The following STK3 variants were observed in gnomAD, a reference collection of about 807,000 sequenced individuals.
The protein encoded by STK3 is serine/threonine kinase 3.
In STK3, 41 loss-of-function variants were observed where a neutral mutation model predicts 58.0. The observed-to-expected ratio is 0.71, with a 90% CI of 0.55 to 0.92. The LOEUF is 0.92. Ranked by LOEUF, STK3 falls within the 40% of genes least tolerant of loss-of-function variation. STK3 has a pLI of 0.00. For missense variants in STK3, 479 were observed against 602.7 expected (o/e 0.79, Z 2.15); for synonymous variants, 170 against 191.0 (o/e 0.89, Z 0.91).
At chr8:98,837,768 A>C (rs1835797891) in intron 3 of STK3, among the ~76,000 whole-genome samples, 1 of 152,100 alleles carries the variant, frequency 6.6e-6, no homozygotes, top group African/African-American at 2.4e-5. Flanking sequence ...CATCTCTACC[A>C]AAAAAATGTA....
intron 9 of STK3, among the ~76,000 whole-genome samples, chr8:98,534,091 A>G (rs1809564353): frequency 6.6e-6 from 1 of 152,326 alleles, no homozygotes; most frequent in South Asian, 2.1e-4. Flanking sequence ...GCAAGTAATA[A>G]CAGAATGATC....
At chr8:98,357,409 C>G in the STK3 span, among the ~76,000 whole-genome samples, 2 of 152,198 alleles carry the variant, frequency 1.3e-5, no homozygotes, top group African/African-American at 4.8e-5. Context: ...AGTGTCCAGA[C>G]TCTAATGGGA....
chr8:98,348,897 C>T, the STK3 span, among the ~76,000 whole-genome samples: 1 of 152,222 alleles, frequency 6.6e-6, no homozygotes, highest in Non-Finnish European at 1.5e-5. Flanking sequence ...AGCAATAATG[C>T]TCCCTGGTAT....
intron 3 of STK3, among the ~76,000 whole-genome samples, chr8:98,426,682 G>T (rs1162436662): frequency 1.3e-5 from 2 of 152,192 alleles, no homozygotes; most frequent in South Asian, 2.1e-4. Flanking sequence ...CCGGACACGC[G>T]CAAGCCGCCC....
At chr8:98,695,798 G>A (rs1824861767) in intron 6 of STK3, among the ~76,000 whole-genome samples, 1 of 152,184 alleles carries the variant, frequency 6.6e-6, no homozygotes. Context: ...CAGGTAGTGT[G>A]ATGCCTCCAG....
intron 2 of STK3, among the ~76,000 whole-genome samples, chr8:98,377,107 A>G (rs2130996178): frequency 6.6e-6 from 1 of 152,244 alleles, no homozygotes; most frequent in Middle Eastern, 3.4e-3. Flanking sequence ...TTTAGACATC[A>G]ACTTCTCAGT....
intron 1 of STK3, chr8:98,905,479 T>A (rs1481074811): frequency 2.9e-5 from 35 of 1,227,826 alleles, no homozygotes; most frequent in Non-Finnish European, 4.1e-5. Flanking sequence ...TCCACGTTGA[T>A]GTTCACCCCA....
chr8:98,781,705 T>C (rs954778555), intron 1 of STK3, among the ~76,000 whole-genome samples: 2 of 152,094 alleles, frequency 1.3e-5, no homozygotes, highest in Non-Finnish European at 2.9e-5. Context: ...ACAAGACAAC[T>C]TGCTTAACTG....
chr8:98,911,361 A>G (rs905788553), intron 1 of STK3, among the ~76,000 whole-genome samples: 3 of 151,612 alleles, frequency 2.0e-5, no homozygotes, highest in African/African-American at 4.9e-5. Flanking sequence ...ACAAGGATGT[A>G]TTACTCATAT....
At chr8:98,888,364 G>A (rs141338952) in intron 1 of STK3, among the ~76,000 whole-genome samples, 97 of 152,096 alleles carry the variant, frequency 6.4e-4, no homozygotes, top group African/African-American at 2.2e-3. Flanking sequence ...AGAGCTATTG[G>A]GAAAAATCAA....
chr8:98,859,653 A>G (rs1836854777), intron 3 of STK3, among the ~76,000 whole-genome samples: 2 of 152,244 alleles, frequency 1.3e-5, no homozygotes. Context: ...TTTGGCTCCG[A>G]GACCCAGAAG....
chr8:98,716,553 C>T (rs1185554401), intron 4 of STK3, among the ~76,000 whole-genome samples: 1 of 152,022 alleles, frequency 6.6e-6, no homozygotes, highest in Non-Finnish European at 1.5e-5. Flanking sequence ...AAAAACCTAT[C>T]ATATCTTCAT....
chr8:98,670,734 A>G (rs1587243125), intron 6 of STK3, among the ~76,000 whole-genome samples: 1 of 152,222 alleles, frequency 6.6e-6, no homozygotes, highest in African/African-American at 2.4e-5. Flanking sequence ...TGTGCCCATA[A>G]AAACCCCAGA....
At chr8:98,447,719 A>G (rs1819018852) in intron 1 of STK3, among the ~76,000 whole-genome samples, 1 of 147,934 alleles carries the variant, frequency 6.8e-6, no homozygotes. Flanking sequence ...ATATATTGCA[A>G]TACATTATGT....
At chr8:98,522,720 C>T (rs368451672) in intron 10 of STK3, among the ~76,000 whole-genome samples, 2 of 152,080 alleles carry the variant, frequency 1.3e-5, no homozygotes, top group East Asian at 1.9e-4. Flanking sequence ...ATTTCTCACC[C>T]GTGAGAACCA....
At chr8:98,652,939 T>G (rs978784113) in intron 6 of STK3, among the ~76,000 whole-genome samples, 1 of 152,008 alleles carries the variant, frequency 6.6e-6, no homozygotes, top group Non-Finnish European at 1.5e-5. Flanking sequence ...AGAAAGTTAA[T>G]AAGCATACCC....
intron 3 of STK3, among the ~76,000 whole-genome samples, chr8:98,832,143 T>C (rs1036719500): frequency 1.4e-4 from 22 of 151,774 alleles, no homozygotes; most frequent in Admixed American, 1.3e-3. Flanking sequence ...CTGGGAAGCA[T>C]AGCCTCTGTC....
chr8:98,808,356 C>A (rs1206089333), intron 1 of STK3, among the ~76,000 whole-genome samples: 3 of 152,096 alleles, frequency 2.0e-5, no homozygotes, highest in Non-Finnish European at 4.4e-5. Context: ...GGCCTTACGG[C>A]AGAAAAAATG....
intron 6 of STK3, among the ~76,000 whole-genome samples, chr8:98,672,335 T>C (rs993071837): frequency 6.6e-6 from 1 of 152,092 alleles, no homozygotes; most frequent in African/African-American, 2.4e-5. Flanking sequence ...AGAGCTACGA[T>C]CCCGCCACTG....
Sources: gnomAD v4.1 joint callset for allele counts (sites outside exome capture counted in the v4.1 genomes callset) on GRCh38, gnomAD v4.1.1 for gene constraint, MANE v1.5 for transcripts, NCBI Gene and HGNC (gene_info 2026-07-23, HGNC 2026-07-21) for gene names.